FBXW8: variants seen among roughly 807,000 people sequenced by gnomAD.
FBXW8 encodes F-box and WD repeat domain containing 8.
A neutral mutation model predicts 65.3 loss-of-function variants in FBXW8; 57 were observed. That is an observed-to-expected ratio of 0.87 (90% confidence interval 0.71 to 1.09). The LOEUF (loss-of-function observed/expected upper bound fraction) is 1.09, where lower values mean the gene tolerates loss of function less well. Ranked by LOEUF, FBXW8 falls within the 50% of genes least tolerant of loss-of-function variation. The pLI is 0.00. For synonymous variants in FBXW8, 308 were observed against 330.2 expected, an observed-to-expected ratio of 0.93 and a Z score of 0.73; for missense variants, 777 against 814.8, an observed-to-expected ratio of 0.95 and a Z score of 0.57.
At chr12:117,021,378 C>T (rs1354606915) in intron 8 of FBXW8, among the ~76,000 whole-genome samples, 3 of 152,162 alleles carry the variant, frequency 2.0e-5, no homozygotes, top group African/African-American at 4.8e-5. Context: ...CAAACATTTT[C>T]CTCAGTTTAT....
At position 116,936,666 on chromosome 12, in the gene FBXW8, C is replaced by G. The variant is rs1882181929; in HGVS notation, c.423+8539C>G. On this transcript the variant is annotated intron_variant, in intron 2 of 10. Transcript: ENST00000652555. The surrounding 1 kb of genome is among the most constrained non-coding windows in gnomAD (Gnocchi z 4.6). ...CGGAAGGAATGCAGCCCTGCCCACA[C>G]CTTGCTTTTACACTTCTGGTCTCCG... 1.3e-5 allele frequency among the ~76,000 whole-genome samples: 2 copies of G among 152,150 alleles called. No individual in the cohort carries two copies. Among genetic ancestry groups the G allele is most frequent in the Non-Finnish European group, 2.9e-5 (2 of 68,032 alleles).
chr12:116,979,309 A>G (rs1280401402), intron 5 of FBXW8: 3 of 152,284 alleles, frequency 2.0e-5, no homozygotes, highest in African/African-American at 7.2e-5. Flanking sequence ...GGCCTGCTGC[A>G]AACTGGCATG....
At chr12:116,953,787 A>G (rs1282383142) in intron 4 of FBXW8, among the ~76,000 whole-genome samples, 5 of 148,594 alleles carry the variant, frequency 3.4e-5, no homozygotes, top group African/African-American at 1.2e-4. Context: ...AAAAAAGACA[A>G]AAAAACAAAA....
chr12:116,998,539 A>G (rs555122766), intron 7 of FBXW8, among the ~76,000 whole-genome samples: 1 of 152,302 alleles, frequency 6.6e-6, no homozygotes, highest in South Asian at 2.1e-4. Context: ...TATACCATGG[A>G]AGAGAATGAA....
At chr12:116,997,956 C>T (rs1953418568) in intron 7 of FBXW8, among the ~76,000 whole-genome samples, 1 of 152,202 alleles carries the variant, frequency 6.6e-6, no homozygotes, top group South Asian at 2.1e-4. Flanking sequence ...GCTGGGACTA[C>T]AGGCGTGTGC....
chr12:116,964,533 T>G (rs752634608), intron 4 of FBXW8, among the ~76,000 whole-genome samples, 164 bp from the exon 5 acceptor site: 4 of 152,190 alleles, frequency 2.6e-5, no homozygotes, highest in Non-Finnish European at 5.9e-5. Flanking sequence ...GTCATCTAGT[T>G]GACATTTTCT....
intron 1 of FBXW8, among the ~76,000 whole-genome samples, chr12:116,925,046 ACTATCGTGGGTCATGT>A (rs1475288932): frequency 6.6e-6 from 1 of 152,010 alleles, no homozygotes; most frequent in Non-Finnish European, 1.5e-5. Context: ...TGAACACAGG[ACTATCGTGGGTCATGT>A]CTATCACTTT....
intron 2 of FBXW8, among the ~76,000 whole-genome samples, chr12:116,939,196 C>T (rs1882387857): frequency 6.6e-6 from 1 of 152,146 alleles, no homozygotes; most frequent in Admixed American, 6.5e-5. Context: ...TCCAAAAATC[C>T]CAAATCCCAA....
At chr12:116,956,725 T>TGGGAGGCCAAGGTGGGTGGATCACTTA (rs1439501768) in intron 4 of FBXW8, among the ~76,000 whole-genome samples, 28 of 152,310 alleles carry the variant, frequency 1.8e-4, no homozygotes, top group Admixed American at 5.2e-4. Flanking sequence ...CCCAGCACTT[T>TGGGAGGCCAAGGTGGGTGGATCACTTA]GGGAGGCCAA....
intron 8 of FBXW8, among the ~76,000 whole-genome samples, chr12:117,022,306 AAGAAAT>A (rs1954117177): frequency 6.6e-6 from 1 of 152,132 alleles, no homozygotes; most frequent in African/African-American, 2.4e-5. Flanking sequence ...TTAAAAATTC[AAGAAAT>A]AGAAATAATT....
chr12:116,981,601 T>A (rs973918092), intron 5 of FBXW8, among the ~76,000 whole-genome samples: 3 of 138,612 alleles, frequency 2.2e-5, no homozygotes, highest in African/African-American at 4.9e-5. Context: ...GGAAGTATGC[T>A]GCTGTGAAGT....
intron 9 of FBXW8, among the ~76,000 whole-genome samples, chr12:117,026,351 A>G (rs1954228258): frequency 7.0e-6 from 1 of 142,588 alleles, no homozygotes; most frequent in Admixed American, 6.9e-5. Flanking sequence ...TCCAGGTCCC[A>G]TGCCAGGTCC....
At chr12:116,952,575 GAC>G (rs1315787359) in intron 4 of FBXW8, among the ~76,000 whole-genome samples, 1 of 152,102 alleles carries the variant, frequency 6.6e-6, no homozygotes, top group Admixed American at 6.5e-5. Context: ...CTAGAGACGG[GAC>G]CATCTACAGC....
At position 117,029,583 on chromosome 12, in the gene FBXW8, A is replaced by ATAGT. The variant is rs962466412; in HGVS notation, c.*1418_*1421dup. On this transcript the variant is annotated 3_prime_UTR_variant, in exon 11 of 11. Coordinates refer to ENST00000652555, the MANE Select transcript of FBXW8 (RefSeq NM_153348.3). Reference sequence around the variant, plus strand: ...CAGACATCAGTGGAATCGAAAACCAATAGTTAGTTAATATAAAGCCAGAAG... The same window carrying ATAGT: ...CAGACATCAGTGGAATCGAAAACCAATAGTTAGTTAGTTAATATAAAGCCAGAAG... 1 of 152,112 alleles carries ATAGT rather than the reference A, an allele frequency of 6.6e-6. No homozygotes were observed. The highest frequency in any genetic ancestry group is 6.6e-5 in the Admixed American group (1 of 15,260). The allele number at this position is 152,112 out of a possible 1,614,324, so 9.4% of individuals were successfully genotyped here.
At chr12:116,927,778 T>C (rs1881442538) in intron 1 of FBXW8, among the ~76,000 whole-genome samples, 1 of 152,176 alleles carries the variant, frequency 6.6e-6, no homozygotes. Context: ...AATGGTCATA[T>C]GGGTTTCCTA....
At chr12:116,999,781 C>T (rs1182215145) in intron 7 of FBXW8, among the ~76,000 whole-genome samples, 1 of 152,198 alleles carries the variant, frequency 6.6e-6, no homozygotes, top group Non-Finnish European at 1.5e-5. Flanking sequence ...CCTGCTCCAG[C>T]CAGGCCAGCG....
intron 1 of FBXW8, among the ~76,000 whole-genome samples, chr12:116,916,944 G>T (rs1880475067): frequency 6.6e-6 from 1 of 151,442 alleles, no homozygotes; most frequent in South Asian, 2.1e-4. Context: ...TGTGTATCTG[G>T]GTTATGAGTC....
intron 5 of FBXW8, chr12:116,979,291 G>GT (rs1450048659): frequency 6.6e-6 from 1 of 152,272 alleles, no homozygotes; most frequent in Non-Finnish European, 1.5e-5. Context: ...CCTTAGGGAG[G>GT]TGGGAGGGGC....
Position 116,911,350 on chromosome 12 carries a change from G to C in FBXW8, c.313G>C (p.Asp105His), listed in dbSNP as rs1020042332. The change falls in exon 1 of 11, where the codon GAC becomes CAC. Residue 105 changes from aspartate to histidine, a missense_variant. Coordinates refer to ENST00000652555, the MANE Select transcript of FBXW8 (RefSeq NM_153348.3). ...GCAGCTGGTGGACCAGCTCATCCGCGACCTGGTGAGTGGCCGTCGCCTCCC... is the reference window on the plus strand; with the variant it reads ...GCAGCTGGTGGACCAGCTCATCCGCCACCTGGTGAGTGGCCGTCGCCTCCC... ...GEQLVDQLIR[D>H]LNEMNDVPFF... is the part of the protein sequence containing the mutation. 7.0e-5 allele frequency: 90 copies of C among 1,278,668 alleles called. No individual in the cohort carries two copies. The highest frequency in any genetic ancestry group is 7.7e-5 in the Non-Finnish European group (78 of 1,017,052). 79.2% of individuals were successfully genotyped at this position (1,278,668 alleles called of 1,614,324 possible). A position where few individuals can be genotyped will look rare whatever the true frequency, so the allele number is the denominator to read the frequency against.
Sources: gnomAD v4.1 joint callset for allele counts (sites outside exome capture counted in the v4.1 genomes callset) on GRCh38, gnomAD v4.1.1 for gene constraint, Gnocchi (gnomAD v3.1) non-coding constraint, MANE v1.5 for transcripts, NCBI Gene and HGNC (gene_info 2026-07-23, HGNC 2026-07-21) for gene names.